The following GGA3 variants were observed in gnomAD, a reference collection of about 807,000 sequenced individuals.
GGA3 encodes the protein ADP-ribosylation factor-binding protein GGA3.
Under a neutral mutation model 77.5 loss-of-function variants are expected in GGA3, and 57 were observed. The observed-to-expected ratio is 0.74, with a 90% CI of 0.59 to 0.92. GGA3 has a LOEUF of 0.92. Ranked by LOEUF, GGA3 falls within the 40% of genes least tolerant of loss-of-function variation. The pLI, the probability that GGA3 is intolerant of heterozygous loss-of-function variation, is 0.00. For missense variants in GGA3, 970 were observed against 914.9 expected (o/e 1.06, Z -0.78); for synonymous variants, 416 against 383.7 (o/e 1.08, Z -0.98).
rs145545354 is a variant in GGA3 at position 75,242,357 on chromosome 17, G to A, written c.726C>T (p.Asp242=). 2.5e-4 allele frequency: 401 copies of A among 1,614,186 alleles called. No individual in the cohort carries two copies. The highest frequency in any genetic ancestry group is 1.1e-3 in the East Asian group (51 of 44,886). The change falls in exon 8 of 17, where the codon GAC becomes GAT. Residue 242 remains aspartate, a synonymous_variant. Transcript: ENST00000537686. ...LLHYSQEDSS[D]GDRELMKELF... is the part of the protein sequence containing the mutation. ...CCACCTTCATCAGCTCTCTGTCCCC[G>A]TCCGAAGAGTCCTCCTGGCTGTAAT...
At chr17:75,250,873 G>A (rs529679235) in intron 1 of GGA3, among the ~76,000 whole-genome samples, 56 of 152,026 alleles carry the variant, frequency 3.7e-4, no homozygotes, top group South Asian at 2.9e-3. Context: ...CGTGAGGTTA[G>A]GAGTTCGAGA....
In GGA3 at chr17:75,239,913, C is replaced by T. The variant is rs764548192; in HGVS notation, c.1459G>A (p.Gly487Arg). The change falls in exon 13 of 17, where the codon GGA becomes AGA. Residue 487 changes from glycine (G) to arginine (R), a missense_variant. Coordinates refer to ENST00000537686, the MANE Select transcript of GGA3 (RefSeq NM_138619.4). ...TTTGGGGCCAAGGCTGGGGCCACTC[C>T]AGTAGAAAACAAGGAGGAGCCCGCA... ...PSAGSSLFST[G>R]VAPALAPKVE... 3.7e-6 allele frequency: 6 copies of T among 1,611,546 alleles called. No individual in the cohort carries two copies. Among genetic ancestry groups the T allele is most frequent in the Admixed American group, 1.7e-5 (1 of 59,480 alleles).
At chr17:75,240,204 C>G in intron 12 of GGA3, 96 bp from the exon 13 acceptor site, 2 of 1,201,298 alleles carry the variant, frequency 1.7e-6, no homozygotes, top group Non-Finnish European at 2.4e-6. Context: ...CGGAAGACAG[C>G]CCCGGAGGCA....
chr17:75,247,639 C>T lies in GGA3; in HGVS notation c.41-843G>A, dbSNP rs530714579. ...TGCTTTAAGTGTTTTTGAAATTGCA[C>T]ATAATGCTCATCATTGTCAAGCCAA... On this transcript the variant is annotated intron_variant, in intron 1 of 16. Transcript: ENST00000537686. 2.6e-5 allele frequency among the ~76,000 whole-genome samples: 4 copies of T among 152,312 alleles called. 1 individual carries two copies. Among genetic ancestry groups the T allele is most frequent in the African/African-American group, 9.6e-5 (4 of 41,570 alleles).
At chr17:75,244,756 G>A (rs749979257) in intron 3 of GGA3, 39 bp from the exon 4 acceptor site, 17 of 1,348,096 alleles carry the variant, frequency 1.3e-5, no homozygotes, top group South Asian at 2.3e-5. Context: ...GTGAGGGCGT[G>A]CTCGGGGCTG....
At position 75,237,555 on chromosome 17, in the gene GGA3, T is replaced by G. The variant is rs2076362502; in HGVS notation, c.*724A>C. The G allele has an allele frequency of 6.5e-7, 1 of 1,535,650 alleles. No individual in the cohort carries two copies. The highest frequency in any genetic ancestry group is 1.4e-5 in the African/African-American group (1 of 73,032). On this transcript the variant is annotated 3_prime_UTR_variant, in exon 17 of 17. Transcript: ENST00000537686. ...CTTCTGGAGAAGGGGAAATACTGGC[T>G]CTCTTCATTTTCCTTCCTATCCCTA...
chr17:75,247,490 G>A (rs1276298711), intron 1 of GGA3, among the ~76,000 whole-genome samples: 6 of 152,100 alleles, frequency 3.9e-5, no homozygotes, highest in East Asian at 1.9e-4. Context: ...TCAAACTCCC[G>A]ACCTCAGGTG....
chr17:75,239,244 C>A, intron 14 of GGA3, 131 bp downstream of exon 14: 1 of 973,350 alleles, frequency 1.0e-6, no homozygotes, highest in Non-Finnish European at 1.5e-6. Flanking sequence ...ACTGAGAATG[C>A]AGGCAGGGAG....
chr17:75,243,372 C>T, intron 5 of GGA3, 75 bp downstream of exon 5: 1 of 1,584,760 alleles, frequency 6.3e-7, no homozygotes, highest in Non-Finnish European at 8.6e-7. Context: ...CTGGGGATCC[C>T]AAACCTTCCC....
Position 75,240,665 on chromosome 17 carries a change from G to A in GGA3, c.1192+147C>T, listed in dbSNP as rs1021023657. ...GGATGGCCCTGGGGCCCTCAGGGTCGCTGAACTTCACTGAGTACCTCCAAC... is the reference window on the plus strand; with the variant it reads ...GGATGGCCCTGGGGCCCTCAGGGTCACTGAACTTCACTGAGTACCTCCAAC... On this transcript the variant is annotated intron_variant, in intron 11 of 16. Transcript: ENST00000537686. 7 of 946,756 alleles carry A rather than the reference G, an allele frequency of 7.4e-6. No homozygotes were observed. The East Asian group carries it at 7.9e-5, about 11-fold the overall frequency. The allele number at this position is 946,756 out of a possible 1,614,324, so 58.6% of individuals were successfully genotyped here. A position where few individuals can be genotyped will look rare whatever the true frequency, so the allele number is the denominator to read the frequency against.
At chr17:75,239,115 C>T (rs751660154) in intron 14 of GGA3, 32 bp from the exon 15 acceptor site, 3 of 1,599,042 alleles carry the variant, frequency 1.9e-6, no homozygotes, top group Non-Finnish European at 2.6e-6. Context: ...GTGGGAGGAG[C>T]AGCACCAGAG....
intron 1 of GGA3, among the ~76,000 whole-genome samples, chr17:75,254,822 A>G (rs1443064239): frequency 6.6e-6 from 1 of 152,170 alleles, no homozygotes. Context: ...GCATTCCTCC[A>G]TAACTGCCTC....
rs142435406 is a variant in GGA3, at chr17:75,240,905, G to T, written c.1099C>A (p.Arg367=). Residue 367 remains arginine, a synonymous_variant, in exon 11 of 17, where the codon CGG becomes AGG. Coordinates refer to ENST00000537686, the MANE Select transcript of GGA3 (RefSeq NM_138619.4). Reference sequence around the variant, plus strand: ...TCGGCCTGGCTAGAGGAGCGGCTCCGTGGAGGTCCTGAGGCCTGGGGTGGT... The same window carrying T: ...TCGGCCTGGCTAGAGGAGCGGCTCCTTGGAGGTCCTGAGGCCTGGGGTGGT... The part of the protein sequence containing the change: ...PPPPQASGPP[R]SRSSSQAEAT... 17 of 1,613,778 alleles carry T rather than the reference G, an allele frequency of 1.1e-5. No homozygotes were observed. The highest frequency in any genetic ancestry group is 1.6e-4 in the Middle Eastern group (1 of 6,078).
At chr17:75,239,702 G>C (rs931868574) in intron 13 of GGA3, 87 bp downstream of exon 13, 1 of 1,509,290 alleles carries the variant, frequency 6.6e-7, no homozygotes, top group Admixed American at 1.7e-5. Context: ...GGGACTACAA[G>C]GCACCCCCAC....
intron 1 of GGA3, among the ~76,000 whole-genome samples, chr17:75,261,119 G>A (rs1298120751): frequency 1.3e-5 from 2 of 152,256 alleles, no homozygotes; most frequent in Non-Finnish European, 2.9e-5. Context: ...GCAGTCGGCA[G>A]CACCCACCAC....
At chr17:75,251,525 G>A (rs1354159395) in intron 1 of GGA3, among the ~76,000 whole-genome samples, 1 of 151,884 alleles carries the variant, frequency 6.6e-6, no homozygotes, top group Non-Finnish European at 1.5e-5. Flanking sequence ...GGCTAAGATA[G>A]TGAAACCCTG....
In GGA3 at chr17:75,248,468, C is replaced by CAAAAAAAA. The variant is rs59182526; in HGVS notation, c.41-1680_41-1673dup. Among the ~76,000 whole-genome samples, 62 of 19,778 alleles carry CAAAAAAAA rather than the reference C, an allele frequency of 3.1e-3. 22 individuals carry two copies. Among genetic ancestry groups the CAAAAAAAA allele is most frequent in the African/African-American group, 5.9e-3 (32 of 5,400 alleles). 13.0% of individuals were successfully genotyped at this position (19,778 alleles called of 152,430 possible). On this transcript the variant is annotated intron_variant, in intron 1 of 16. Transcript: ENST00000537686. ...CCTGGGCGACAGCGAGACTCCGTCTCAAAAAAAAAAAAAAAAAAAAAAAAA... is the reference window on the plus strand; with the variant it reads ...CCTGGGCGACAGCGAGACTCCGTCTCAAAAAAAAAAAAAAAAAAAAAAAAAAAAAAAAA...
chr17:75,241,227 T>C (rs543332788), intron 10 of GGA3, among the ~76,000 whole-genome samples, 170 bp from the exon 11 acceptor site: 2 of 152,078 alleles, frequency 1.3e-5, no homozygotes, highest in South Asian at 4.2e-4. Flanking sequence ...GGTGGGGAAA[T>C]TCCTACCCAC....
rs1045818730 is a variant in GGA3, at chr17:75,237,882, T to G, written c.*397A>C. 5.1e-6 allele frequency: 7 copies of G among 1,378,274 alleles called. No homozygotes were observed. Among genetic ancestry groups the G allele is most frequent in the Non-Finnish European group, 6.5e-6 (7 of 1,069,652 alleles). The allele number at this position is 1,378,274 out of a possible 1,614,324, so 85.4% of individuals were successfully genotyped here. Reference sequence around the variant, plus strand: ...GTCAGGTGTGAGGATGTGGCTCTTGTGGGGAATGACCCATGACAGTCTCTC... The same window carrying G: ...GTCAGGTGTGAGGATGTGGCTCTTGGGGGGAATGACCCATGACAGTCTCTC... On this transcript the variant is annotated 3_prime_UTR_variant, in exon 17 of 17. Coordinates refer to ENST00000537686, the MANE Select transcript of GGA3 (RefSeq NM_138619.4).
Sources: allele counts gnomAD v4.1 joint callset (sites outside exome capture counted in the v4.1 genomes callset), GRCh38; gene constraint gnomAD v4.1.1; transcripts MANE v1.5; gene names NCBI Gene and HGNC (gene_info 2026-07-23, HGNC 2026-07-21).